Variants in LILRB2 observed in about 807,000 individuals in gnomAD.
The protein encoded by LILRB2 is leukocyte immunoglobulin like receptor B2, also known as leukocyte immunoglobulin-like receptor subfamily B member 2.
Under a neutral mutation model 72.7 loss-of-function variants are expected in LILRB2, and 47 were observed. The observed-to-expected ratio is 0.65, with a 90% CI of 0.51 to 0.82. The LOEUF (loss-of-function observed/expected upper bound fraction) is 0.82, where lower values mean the gene tolerates loss of function less well. LILRB2 is among the 40% of genes least tolerant of loss of function. The probability of loss-of-function intolerance (pLI) is 0.00; values close to 1 mark genes in which losing one functional copy is unlikely to be tolerated. For synonymous variants in LILRB2, 279 were observed against 313.7 expected, an observed-to-expected ratio of 0.89 and a Z score of 1.17; for missense variants, 767 against 764.8, an observed-to-expected ratio of 1.00 and a Z score of -0.03.
chr19:54,275,044 G>A, intron 13 of LILRB2: 1 of 1,608,636 alleles, frequency 6.2e-7, no homozygotes, highest in East Asian at 2.2e-5. Flanking sequence ...CACTGCCTGG[G>A]GGTCTTCATC....
At chr19:54,275,524 G>C in intron 13 of LILRB2, 1 of 513,538 alleles carries the variant, frequency 1.9e-6, no homozygotes, top group South Asian at 1.5e-5. Flanking sequence ...TTTGCATTTT[G>C]TCTCCCACCA....
At position 54,280,559 on chromosome 19, in the gene LILRB2, A is replaced by G. The variant is rs2080505585; in HGVS notation, c.-48-15T>C. 12 of 1,613,118 alleles carry G rather than the reference A, an allele frequency of 7.4e-6. No individual in the cohort carries two copies. Among genetic ancestry groups the G allele is most frequent in the Middle Eastern group, 1.7e-4 (1 of 6,054 alleles). On this transcript the variant is annotated splice_polypyrimidine_tract_variant and intron_variant, in intron 1 of 13. Transcript: ENST00000314446. ...AGCCCTCGGTGCTGGCGGGACAGAG[A>G]CACACAGAGAGAAATAGCCTCCCCT...
Position 54,278,383 on chromosome 19 carries a change from C to T in LILRB2, c.1135G>A (p.Ala379Thr). 3.1e-6 allele frequency: 5 copies of T among 1,614,182 alleles called. No homozygotes were observed. The highest frequency in any genetic ancestry group is 4.2e-6 in the Non-Finnish European group (5 of 1,180,006). The change falls in exon 7 of 14, where the codon GCT (alanine) becomes ACT (threonine). Residue 379 changes from alanine (A) to threonine (T), a missense_variant. Coordinates refer to ENST00000314446, the MANE Select transcript of LILRB2 (RefSeq NM_001080978.4). ...RSIHEYPKYQ[A>T]EFPMSPVTSA... ...GTCACAGGACTCATGGGGAATTCAG[C>T]CTGGTACTTAGGATATTCGTGTATT...
At chr19:54,277,283 A>T (rs2147764810) in intron 9 of LILRB2, 1 of 1,474,176 alleles carries the variant, frequency 6.8e-7, no homozygotes, top group Admixed American at 2.0e-5. Flanking sequence ...TCTCTGCTGC[A>T]GGTGGGACGG....
chr19:54,279,149 G>C lies in LILRB2; in HGVS notation c.659-41C>G, dbSNP rs375430197. Reference sequence around the variant, plus strand: ...CATGGTTTCCAGGAGCCGACCCTCAGGCTTCCCCACAAACCCTCCCTCTCC... The same window carrying C: ...CATGGTTTCCAGGAGCCGACCCTCACGCTTCCCCACAAACCCTCCCTCTCC... On this transcript the variant is annotated intron_variant, in intron 5 of 13. Transcript: ENST00000314446. The C allele has an allele frequency of 1.3e-5, 21 of 1,591,402 alleles. No homozygotes were observed. In the African/African-American group the frequency reaches 2.4e-4, roughly 18 times the overall value.
At chr19:54,276,771 T>C in intron 10 of LILRB2, 36 bp downstream of exon 10, 1 of 1,603,250 alleles carries the variant, frequency 6.2e-7, no homozygotes, top group Non-Finnish European at 8.5e-7. Context: ...GAGCCCACCC[T>C]CGGTCGGCCC....
intron 13 of LILRB2, chr19:54,275,361 T>C: frequency 3.8e-6 from 2 of 522,824 alleles, no homozygotes; most frequent in Non-Finnish European, 7.2e-6. Context: ...CATTAGAGGA[T>C]CGTGTGCCCC....
At chr19:54,276,997 C>A (rs1465534260) in intron 9 of LILRB2, 68 bp from the exon 10 acceptor site, 1 of 1,545,424 alleles carries the variant, frequency 6.5e-7, no homozygotes, top group East Asian at 2.4e-5. Context: ...GTGCAGGTGA[C>A]TGCTGGACCT....
intron 10 of LILRB2, 44 bp downstream of exon 10, chr19:54,276,763 G>T: frequency 6.3e-7 from 1 of 1,598,738 alleles, no homozygotes; most frequent in Non-Finnish European, 8.5e-7. Context: ...TGTGCCCTGA[G>T]CCCACCCTCG....
rs2080223287 is a variant in LILRB2 at position 54,276,320 on chromosome 19, C to T, written c.1557-19G>A. 2 of 1,614,016 alleles carry T rather than the reference C, an allele frequency of 1.2e-6. No individual in the cohort carries two copies. Among genetic ancestry groups the T allele is most frequent in the East Asian group, 2.2e-5 (1 of 44,882 alleles). On this transcript the variant is annotated intron_variant, in intron 11 of 13. Coordinates refer to ENST00000314446, the MANE Select transcript of LILRB2 (RefSeq NM_001080978.4). The stretch of plus-strand genomic sequence containing the variant: ...GCTGGACCTGGGGGAGGAATGGGAG[C>T]TTTAGGGGCAGTGTATGGGCCACGA...
Position 54,275,894 on chromosome 19 carries a change from T to A in LILRB2, c.1647+57A>T, listed in dbSNP as rs145293529. 5.2e-3 allele frequency: 8,364 copies of A among 1,594,830 alleles called. 172 individuals carry two copies. The East Asian group carries it at 0.063, about 12-fold the overall frequency. On this transcript the variant is annotated intron_variant, in intron 13 of 13. Transcript: ENST00000314446. Reference sequence around the variant, plus strand: ...GGGAAGGAGGACAGAGAAGTCCTGCTGGATTAGATCTGGCACCAGGAGGCC... The same window carrying A: ...GGGAAGGAGGACAGAGAAGTCCTGCAGGATTAGATCTGGCACCAGGAGGCC...
intron 8 of LILRB2, 51 bp from the exon 9 acceptor site, chr19:54,277,648 A>G (rs369386691): frequency 5.0e-5 from 77 of 1,537,918 alleles, no homozygotes; most frequent in Non-Finnish European, 6.5e-5. Context: ...TGCTCCCCAC[A>G]TCAGCCCGGC....
chr19:54,278,188 C>G, intron 7 of LILRB2, 72 bp downstream of exon 7: 1 of 1,583,940 alleles, frequency 6.3e-7, no homozygotes, highest in Non-Finnish European at 8.6e-7. Flanking sequence ...CCATCCCAGC[C>G]CAGAGCTCTC....
At chr19:54,278,190 A>G (rs2080334818) in intron 7 of LILRB2, 70 bp downstream of exon 7, 1 of 1,586,074 alleles carries the variant, frequency 6.3e-7, no homozygotes, top group African/African-American at 1.3e-5. Flanking sequence ...ATCCCAGCCC[A>G]GAGCTCTCCT....
At chr19:54,275,587 T>G in intron 13 of LILRB2, 1 of 527,468 alleles carries the variant, frequency 1.9e-6, no homozygotes, top group Non-Finnish European at 3.8e-6. Context: ...TGTCTGCAGC[T>G]CCCATGGGGA....
At chr19:54,277,524 C>T (rs534579876) in intron 9 of LILRB2, 26 bp downstream of exon 9, 18 of 1,557,932 alleles carry the variant, frequency 1.2e-5, no homozygotes, top group Middle Eastern at 1.7e-4. Flanking sequence ...ACCCCGCCCA[C>T]CTCCCACTCA....
At chr19:54,280,881 C>T (rs1469474295) in intron 1 of LILRB2, 80 bp downstream of exon 1, 6 of 849,266 alleles carry the variant, frequency 7.1e-6, no homozygotes, top group Non-Finnish European at 1.1e-5. Flanking sequence ...CAGTGGCTTC[C>T]CCTTCCTTCT....
chr19:54,278,764 G>T (rs374747904), intron 6 of LILRB2, 48 bp downstream of exon 6: 3 of 1,605,236 alleles, frequency 1.9e-6, no homozygotes, highest in East Asian at 4.5e-5. Flanking sequence ...CCCCCGGCAG[G>T]GCCTGTGCAG....
rs549446736 is a variant in LILRB2 at position 54,280,160 on chromosome 19, C to T, written c.71-85G>A. 3.7e-6 allele frequency: 6 copies of T among 1,609,726 alleles called. No individual in the cohort carries two copies. In the South Asian group the frequency reaches 6.6e-5, roughly 18 times the overall value. On this transcript the variant is annotated intron_variant, in intron 3 of 13. Coordinates refer to ENST00000314446, the MANE Select transcript of LILRB2 (RefSeq NM_001080978.4). Reference sequence around the variant, plus strand: ...CAGCCCAGGACCCTCCAGATGCCCCCATCAGTCAGTCCAGAACTTCTAATC... The same window carrying T: ...CAGCCCAGGACCCTCCAGATGCCCCTATCAGTCAGTCCAGAACTTCTAATC...
Sources: gnomAD v4.1 joint callset for allele counts on GRCh38, gnomAD v4.1.1 for gene constraint, MANE v1.5 for transcripts, NCBI Gene and HGNC (gene_info 2026-07-23, HGNC 2026-07-21) for gene names.